Variants in NTN1 observed in about 807,000 individuals in gnomAD.
NTN1 encodes the protein netrin-1.
NTN1 carries 11 observed loss-of-function variants against 54.2 expected under a neutral mutation model. That is an observed-to-expected ratio of 0.20 (90% CI 0.13 to 0.34). The LOEUF (loss-of-function observed/expected upper bound fraction) is 0.34, where lower values mean the gene tolerates loss of function less well. NTN1 is among the 10% of genes least tolerant of loss of function. The probability of loss-of-function intolerance (pLI) is 1.00; values close to 1 mark genes in which losing one functional copy is unlikely to be tolerated. For missense variants in NTN1, 740 were observed against 893.1 expected, an observed-to-expected ratio of 0.83 and a Z score of 2.18; for synonymous variants, 371 against 382.0, an observed-to-expected ratio of 0.97 and a Z score of 0.33.
At chr17:9,170,651 G>C (rs1430341134) in intron 3 of NTN1, among the ~76,000 whole-genome samples, 1 of 152,192 alleles carries the variant, frequency 6.6e-6, no homozygotes, top group Non-Finnish European at 1.5e-5. Flanking sequence ...CAGAGAGGTG[G>C]GGGCGGGCTG....
At chr17:9,018,641 A>G (rs1052346784), upstream of NTN1, among the ~76,000 whole-genome samples, 3 of 151,650 alleles carry the variant, frequency 2.0e-5, no homozygotes, top group Admixed American at 6.6e-5. Flanking sequence ...AAAAAAAAAA[A>G]AAAGGCTCTG....
At chr17:9,061,262 A>C (rs985712908) in intron 2 of NTN1, among the ~76,000 whole-genome samples, 1 of 152,108 alleles carries the variant, frequency 6.6e-6, no homozygotes, top group South Asian at 2.1e-4. Flanking sequence ...AGAGTGAGGA[A>C]GGTGGCAGTT....
intron 2 of NTN1, among the ~76,000 whole-genome samples, chr17:9,109,196 C>T (rs1332540202): frequency 6.6e-6 from 1 of 152,078 alleles, no homozygotes; most frequent in Non-Finnish European, 1.5e-5. Flanking sequence ...TCTTTTTGAC[C>T]TTTTTTTAAA....
chr17:9,145,878 C>T (rs1376264925), intron 2 of NTN1, among the ~76,000 whole-genome samples: 1 of 140,694 alleles, frequency 7.1e-6, no homozygotes, highest in Non-Finnish European at 1.5e-5. Context: ...AGATCGGCCA[C>T]TGCACTCCAG....
chr17:9,239,922 G>T lies in NTN1; in HGVS notation c.1769G>T (p.Arg590Leu), dbSNP rs1309693313. ...QWRDTWARRL[R>L]KFQQREKKGK... Reference sequence around the variant, plus strand: ...CGGGACACGTGGGCGCGGCGGCTGCGCAAGTTCCAGCAGCGTGAGAAGAAG... The same window carrying T: ...CGGGACACGTGGGCGCGGCGGCTGCTCAAGTTCCAGCAGCGTGAGAAGAAG... Residue 590 changes from arginine to leucine, a missense_variant, in exon 7 of 7, where the codon CGC (arginine) becomes CTC (leucine). Transcript: ENST00000173229. The surrounding 1 kb of genome is among the most constrained non-coding windows in gnomAD (Gnocchi z 5.2). 2.9e-6 allele frequency: 4 copies of T among 1,371,920 alleles called. No individual in the cohort carries two copies. Among genetic ancestry groups the T allele is most frequent in the Non-Finnish European group, 3.9e-6 (4 of 1,032,634 alleles). 85.0% of individuals were successfully genotyped at this position (1,371,920 alleles called of 1,614,324 possible).
intron 2 of NTN1, among the ~76,000 whole-genome samples, chr17:9,081,632 C>G (rs1019816570): frequency 1.3e-5 from 2 of 152,196 alleles, no homozygotes; most frequent in African/African-American, 4.8e-5. Context: ...AAGCCGACTG[C>G]TGTCGCAGAG....
chr17:9,050,013 T>G (rs190065972), intron 2 of NTN1, among the ~76,000 whole-genome samples: 1,527 of 150,530 alleles, frequency 0.01, 26 homozygotes, highest in African/African-American at 0.033. Flanking sequence ...TTGGGAGGCC[T>G]AGGCGGGTGG....
At chr17:9,081,759 C>T (rs1477133131) in intron 2 of NTN1, among the ~76,000 whole-genome samples, 1 of 152,180 alleles carries the variant, frequency 6.6e-6, no homozygotes, top group African/African-American at 2.4e-5. Context: ...GTGGGATAGC[C>T]ATAGAGGAAG....
upstream of NTN1, among the ~76,000 whole-genome samples, chr17:9,019,887 C>T (rs148312381): frequency 6.6e-6 from 1 of 152,292 alleles, no homozygotes; most frequent in African/African-American, 2.4e-5. Flanking sequence ...TCCTTTCTGC[C>T]ACAAGGTGAG....
At chr17:9,007,722 T>C in the NTN1 span, among the ~76,000 whole-genome samples, 1 of 151,044 alleles carries the variant, frequency 6.6e-6, no homozygotes, top group Non-Finnish European at 1.5e-5. Flanking sequence ...CCTCCTTTCT[T>C]TCTTTCTTGC....
chr17:9,179,753 G>C, intron 3 of NTN1, 54 bp from the exon 4 acceptor site: 1 of 1,581,018 alleles, frequency 6.3e-7, no homozygotes, highest in Non-Finnish European at 8.6e-7. Context: ...GCTCTGCGGG[G>C]ATGCACTGGC....
At chr17:9,027,139 C>A (rs1009405903) in intron 2 of NTN1, among the ~76,000 whole-genome samples, 4 of 152,110 alleles carry the variant, frequency 2.6e-5, no homozygotes, top group African/African-American at 7.2e-5. Context: ...TCCAATGCCC[C>A]ACTAAAGATT....
At chr17:9,017,327 G>A (rs1005051046), upstream of NTN1, among the ~76,000 whole-genome samples, 7 of 152,098 alleles carry the variant, frequency 4.6e-5, no homozygotes, top group African/African-American at 1.7e-4. Flanking sequence ...CAGACAGCCT[G>A]GCTTCTGTCC....
chr17:9,041,758 C>T (rs1168084079), intron 2 of NTN1, among the ~76,000 whole-genome samples: 2 of 152,086 alleles, frequency 1.3e-5, no homozygotes, highest in African/African-American at 4.8e-5. Flanking sequence ...CCTGTAATCT[C>T]AGCACTTTGG....
the NTN1 span, among the ~76,000 whole-genome samples, chr17:9,004,642 C>T: frequency 6.6e-6 from 1 of 152,254 alleles, no homozygotes; most frequent in Admixed American, 6.5e-5. Flanking sequence ...GCCGCGCCAG[C>T]GCCTTCAGCC....
At chr17:9,019,540 A>T (rs1451081952), upstream of NTN1, among the ~76,000 whole-genome samples, 2 of 152,256 alleles carry the variant, frequency 1.3e-5, no homozygotes, top group Non-Finnish European at 2.9e-5. Context: ...TATATGTGTT[A>T]CAGACCTGCA....
Position 9,239,938 on chromosome 17 carries a change from T to A in NTN1, c.1785T>A (p.Arg595=), listed in dbSNP as rs750066941. 1.8e-5 allele frequency: 25 copies of A among 1,404,176 alleles called. No homozygotes were observed. The highest frequency in any genetic ancestry group is 3.8e-6 in the Non-Finnish European group (4 of 1,064,578). The allele number at this position is 1,404,176 out of a possible 1,614,324, so 87.0% of individuals were successfully genotyped here. ...GGCGGCTGCGCAAGTTCCAGCAGCGTGAGAAGAAGGGCAAGTGCAAGAAGG... is the reference window on the plus strand; with the variant it reads ...GGCGGCTGCGCAAGTTCCAGCAGCGAGAGAAGAAGGGCAAGTGCAAGAAGG... The part of the protein sequence containing the change: ...WARRLRKFQQ[R]EKKGKCKKA Residue 595 remains arginine, a synonymous_variant, in exon 7 of 7, where the codon CGT becomes CGA. Transcript: ENST00000173229. This position sits in a 1 kb window ranked among gnomAD's most constrained non-coding sequence, Gnocchi z 5.2.
chr17:9,155,163 G>A (rs1008726921), intron 2 of NTN1, among the ~76,000 whole-genome samples: 1 of 152,146 alleles, frequency 6.6e-6, no homozygotes, highest in African/African-American at 2.4e-5. Context: ...GGTCACCGTT[G>A]AAAACAGTGC....
the NTN1 span, among the ~76,000 whole-genome samples, chr17:9,003,189 G>GCCCGCGGCTGC: frequency 6.6e-6 from 1 of 152,074 alleles, no homozygotes; most frequent in Admixed American, 6.5e-5. This position sits in a 1 kb window ranked among gnomAD's most constrained non-coding sequence, Gnocchi z 7.4. Context: ...GGTGGGGGCG[G>GCCCGCGGCTGC]CCCGCGGCTG....
Sources: allele counts gnomAD v4.1 joint callset (sites outside exome capture counted in the v4.1 genomes callset), GRCh38; gene constraint gnomAD v4.1.1; non-coding constraint Gnocchi (gnomAD v3.1); transcripts MANE v1.5; gene names NCBI Gene and HGNC (gene_info 2026-07-23, HGNC 2026-07-21).